RASSF9: variants seen among roughly 807,000 people sequenced by gnomAD.
RASSF9 encodes Ras association domain family member 9.
RASSF9 carries 18 observed loss-of-function variants against 21.4 expected under a neutral mutation model. That is an observed-to-expected ratio of 0.84 (90% CI 0.58 to 1.25). The LOEUF (loss-of-function observed/expected upper bound fraction) is 1.25, where lower values mean the gene tolerates loss of function less well. RASSF9 is among the 50% of genes most tolerant of loss of function. RASSF9 has a pLI of 0.00. For synonymous variants in RASSF9, 183 were observed against 179.1 expected (o/e 1.02, Z -0.18); for missense variants, 480 against 503.2 (o/e 0.95, Z 0.44).
chr12:85,804,590 G>T lies in RASSF9; in HGVS notation c.*112C>A. On this transcript the variant is annotated 3_prime_UTR_variant, in exon 2 of 2. Transcript: ENST00000361228. ...ATTTCTCGAGTTTTTATTAACTATT[G>T]AATACTACAATATGATTTACATTTT... 3 of 1,108,890 alleles carry T rather than the reference G, an allele frequency of 2.7e-6. No homozygotes were observed. Among genetic ancestry groups the T allele is most frequent in the South Asian group, 2.3e-5 (1 of 44,398 alleles). The allele number at this position is 1,108,890 out of a possible 1,614,324, so 68.7% of individuals were successfully genotyped here.
At chr12:85,829,534 G>A (rs1304939751) in intron 1 of RASSF9, among the ~76,000 whole-genome samples, 2 of 152,002 alleles carry the variant, frequency 1.3e-5, no homozygotes, top group South Asian at 2.1e-4. Flanking sequence ...ATTACTGCCC[G>A]TTTCTTGGAT....
At chr12:85,835,409 CGT>C (rs912231799) in intron 1 of RASSF9, among the ~76,000 whole-genome samples, 5 of 151,924 alleles carry the variant, frequency 3.3e-5, no homozygotes, top group African/African-American at 7.3e-5. Flanking sequence ...TAGAAAAATA[CGT>C]GTGTGTATGT....
Position 85,836,168 on chromosome 12 carries a change from G to T in RASSF9, c.34C>A (p.Arg12=), listed in dbSNP as rs1453316222. ...GCTTGACTTTACCTGTTTTTATGCC[G>T]AGTCTTTAGCAAGTTTCTTCCAAAG... The part of the protein sequence containing the change: ...APFGRNLLKT[R]HKNRSPTKDM... Residue 12 remains arginine, a synonymous_variant, in exon 1 of 2, where the codon CGG becomes AGG. Transcript: ENST00000361228. 25 of 1,493,324 alleles carry T rather than the reference G, an allele frequency of 1.7e-5. No homozygotes were observed. The highest frequency in any genetic ancestry group is 4.1e-5 in the Admixed American group (2 of 48,766). 92.5% of individuals were successfully genotyped at this position (1,493,324 alleles called of 1,614,324 possible).
rs181512475 is a variant in RASSF9 at position 85,805,721 on chromosome 12, G to A, written c.289C>T (p.Leu97=). ...TCTCCCCACGCTTTCCAAAGCTTCA[G>A]GATTCTAGTTAGTGGAGGAAGAACC... is the stretch of plus-strand genomic sequence containing the variant. ...ERVLPPLTRI[L]KLWKAWGDEQ... The change falls in exon 2 of 2, where the codon CTG becomes TTG. Residue 97 remains leucine (L), a synonymous_variant. Coordinates refer to ENST00000361228, the MANE Select transcript of RASSF9 (RefSeq NM_005447.4). The A allele has an allele frequency of 2.4e-4, 385 of 1,613,958 alleles. 2 individuals are homozygous for A. In the African/African-American group the frequency reaches 4.4e-3, roughly 19 times the overall value.
chr12:85,834,427 C>A (rs1184141275), intron 1 of RASSF9, among the ~76,000 whole-genome samples: 1 of 152,026 alleles, frequency 6.6e-6, no homozygotes, highest in Non-Finnish European at 1.5e-5. Flanking sequence ...TTTGCATACT[C>A]ACCTCCTCGA....
intron 1 of RASSF9, among the ~76,000 whole-genome samples, chr12:85,826,444 A>AAT (rs1389690866): frequency 2.2e-5 from 3 of 137,618 alleles, no homozygotes; most frequent in African/African-American, 5.5e-5. Context: ...CATTCCTTCC[A>AAT]ATATTTTTTT....
At chr12:85,814,236 G>C (rs1398082067) in intron 1 of RASSF9, among the ~76,000 whole-genome samples, 1 of 151,990 alleles carries the variant, frequency 6.6e-6, no homozygotes, top group Non-Finnish European at 1.5e-5. Flanking sequence ...TTATCTCAGT[G>C]GTTCCCTACC....
Position 85,804,637 on chromosome 12 carries a change from G to A in RASSF9, c.*65C>T. On this transcript the variant is annotated 3_prime_UTR_variant, in exon 2 of 2. Coordinates refer to ENST00000361228, the MANE Select transcript of RASSF9 (RefSeq NM_005447.4). Reference sequence around the variant, plus strand: ...TTTTTTTGAGTGTTATATTTAAAATGAGGTTTCCTATTAAATTAAACAAAC... The same window carrying A: ...TTTTTTTGAGTGTTATATTTAAAATAAGGTTTCCTATTAAATTAAACAAAC... 3 of 1,404,810 alleles carry A rather than the reference G, an allele frequency of 2.1e-6. No homozygotes were observed. Among genetic ancestry groups the A allele is most frequent in the Non-Finnish European group, 2.9e-6 (3 of 1,045,114 alleles). 87.0% of individuals were successfully genotyped at this position (1,404,810 alleles called of 1,614,324 possible). A position where few individuals can be genotyped will look rare whatever the true frequency, so the allele number is the denominator to read the frequency against.
chr12:85,834,017 G>T (rs1251498365), intron 1 of RASSF9, among the ~76,000 whole-genome samples: 1 of 151,778 alleles, frequency 6.6e-6, no homozygotes, highest in Non-Finnish European at 1.5e-5. Context: ...TTTCACCTGT[G>T]GTCTCACCTC....
In RASSF9 at chr12:85,804,469, C is replaced by T. The variant is rs189323835; in HGVS notation, c.*233G>A. 3.5e-4 allele frequency: 144 copies of T among 416,980 alleles called. No homozygotes were observed. Among genetic ancestry groups the T allele is most frequent in the African/African-American group, 2.6e-3 (128 of 49,598 alleles). The allele number at this position is 416,980 out of a possible 1,614,324, so 25.8% of individuals were successfully genotyped here. On this transcript the variant is annotated 3_prime_UTR_variant, in exon 2 of 2. Transcript: ENST00000361228. ...ATCAAATTATTTCTGTGTTCTACAA[C>T]GACAAGCTATTTGTGCTGCATTCGT...
At chr12:85,815,645 G>C (rs1238822050) in intron 1 of RASSF9, among the ~76,000 whole-genome samples, 1 of 152,086 alleles carries the variant, frequency 6.6e-6, no homozygotes, top group Non-Finnish European at 1.5e-5. Flanking sequence ...TGACTGGAGT[G>C]AGATGGTATC....
chr12:85,817,245 C>G (rs991863882), intron 1 of RASSF9, among the ~76,000 whole-genome samples: 3 of 152,000 alleles, frequency 2.0e-5, no homozygotes, highest in Non-Finnish European at 4.4e-5. Context: ...TTTAAGATGC[C>G]ATGAATAATC....
At chr12:85,807,336 C>T (rs547372185) in intron 1 of RASSF9, among the ~76,000 whole-genome samples, 1 of 152,220 alleles carries the variant, frequency 6.6e-6, no homozygotes, top group East Asian at 1.9e-4. Flanking sequence ...AGAAAAGCAA[C>T]ATCTCCTTTC....
rs117204904 is a variant in RASSF9, at chr12:85,808,595, A to G, written c.48-2633T>C. 9.1e-4 allele frequency among the ~76,000 whole-genome samples: 138 copies of G among 152,200 alleles called. 5 individuals carry two copies. The East Asian group carries it at 0.026, about 29-fold the overall frequency. ...CAAGTAAGTTCTTTAAGTAAGTGAT[A>G]CTAACTTACTGTGTTATGGCTATAT... On this transcript the variant is annotated intron_variant, in intron 1 of 1. Coordinates refer to ENST00000361228, the MANE Select transcript of RASSF9 (RefSeq NM_005447.4).
intron 1 of RASSF9, among the ~76,000 whole-genome samples, chr12:85,831,980 A>G (rs1478553610): frequency 6.6e-6 from 1 of 151,948 alleles, no homozygotes; most frequent in Non-Finnish European, 1.5e-5. Flanking sequence ...ATAATATTTT[A>G]TGCTAATAAA....
chr12:85,809,862 C>A (rs1879913939), intron 1 of RASSF9, among the ~76,000 whole-genome samples: 1 of 151,892 alleles, frequency 6.6e-6, no homozygotes, highest in Non-Finnish European at 1.5e-5. Flanking sequence ...GATCATCATG[C>A]ACATTGGTTC....
At chr12:85,812,941 A>G (rs1297636006) in intron 1 of RASSF9, among the ~76,000 whole-genome samples, 1 of 151,790 alleles carries the variant, frequency 6.6e-6, no homozygotes, top group Non-Finnish European at 1.5e-5. Context: ...TTAACCAAAT[A>G]AGAGGCGTTT....
rs1360905842 is a variant in RASSF9, at chr12:85,801,278, T to C, written c.*3424A>G. On this transcript the variant is annotated 3_prime_UTR_variant, in exon 2 of 2. Transcript: ENST00000361228. ...AAAAAAATCGTAGTAGCATGAAGAT[T>C]TAATTTTTCTTTCCCAAAATGTATA... The C allele has an allele frequency of 6.6e-6, 1 of 152,174 alleles. No homozygotes were observed. 9.4% of individuals were successfully genotyped at this position (152,174 alleles called of 1,614,324 possible). A position where few individuals can be genotyped will look rare whatever the true frequency, so the allele number is the denominator to read the frequency against.
At chr12:85,823,724 G>A (rs1880267626) in intron 1 of RASSF9, among the ~76,000 whole-genome samples, 1 of 152,158 alleles carries the variant, frequency 6.6e-6, no homozygotes. Context: ...GAAAAAGCCT[G>A]AGTTCAAAGA....
Sources: gnomAD v4.1 joint callset for allele counts (sites outside exome capture counted in the v4.1 genomes callset) on GRCh38, gnomAD v4.1.1 for gene constraint, MANE v1.5 for transcripts, NCBI Gene and HGNC (gene_info 2026-07-23, HGNC 2026-07-21) for gene names.